ANXA8: variants seen among roughly 807,000 people sequenced by gnomAD.
ANXA8 encodes the protein annexin A8.
A neutral mutation model predicts 26.8 loss-of-function variants in ANXA8; 9 were observed. The observed-to-expected ratio is 0.34, with a 90% confidence interval of 0.20 to 0.59. The LOEUF (loss-of-function observed/expected upper bound fraction) is 0.59, where lower values mean the gene tolerates loss of function less well. Ranked by LOEUF, ANXA8 falls within the 20% of genes least tolerant of loss-of-function variation. ANXA8 has a pLI of 0.84. For missense variants in ANXA8, 83 were observed against 238.5 expected, an observed-to-expected ratio of 0.35 and a Z score of 4.29; for synonymous variants, 39 against 94.8, an observed-to-expected ratio of 0.41 and a Z score of 3.42.
At chr10:47,571,027 A>G in the ANXA8 span, among the ~76,000 whole-genome samples, 6 of 149,962 alleles carry the variant, frequency 4.0e-5, no homozygotes. Flanking sequence ...TCACACTTTT[A>G]TAGGAGTACC....
At chr10:47,533,225 C>A in the ANXA8 span, among the ~76,000 whole-genome samples, 13,428 of 92,484 alleles carry the variant, frequency 0.15, 540 homozygotes, top group East Asian at 0.34. Context: ...ACACACACAC[C>A]CCCGCAGACA....
At chr10:47,644,454 T>C in the ANXA8 span, among the ~76,000 whole-genome samples, 1 of 151,976 alleles carries the variant, frequency 6.6e-6, no homozygotes, top group Non-Finnish European at 1.5e-5. Flanking sequence ...CGCAAATGAA[T>C]GAGTGTGTCC....
chr10:47,625,968 C>T, the ANXA8 span, among the ~76,000 whole-genome samples: 1 of 150,464 alleles, frequency 6.6e-6, no homozygotes, highest in East Asian at 1.9e-4. Flanking sequence ...GAGATTATGT[C>T]ATAGTTGTTT....
At chr10:47,939,303 CAAAAAAAA>C in the ANXA8 span, among the ~76,000 whole-genome samples, 1 of 81,178 alleles carries the variant, frequency 1.2e-5, no homozygotes, top group Non-Finnish European at 2.2e-5. Context: ...AACTCTGTCT[CAAAAAAAA>C]AAAAAAAAAA....
chr10:47,578,084 G>A, the ANXA8 span, among the ~76,000 whole-genome samples: 4 of 65,234 alleles, frequency 6.1e-5, no homozygotes, highest in East Asian at 1.0e-3. Flanking sequence ...GGGAGGCCGA[G>A]GCAGGTGGAT....
chr10:47,693,822 T>G, the ANXA8 span, among the ~76,000 whole-genome samples: 7 of 38,072 alleles, frequency 1.8e-4, no homozygotes, highest in Admixed American at 7.0e-4. Context: ...TGAAATACTG[T>G]TTTTTTTTGG....
the ANXA8 span, chr10:47,710,425 T>G: frequency 2.9e-6 from 2 of 701,460 alleles, no homozygotes; most frequent in Non-Finnish European, 4.9e-6. Flanking sequence ...GTAAACATTT[T>G]GACTGCCTCC....
the ANXA8 span, among the ~76,000 whole-genome samples, chr10:47,645,678 G>T: frequency 6.6e-6 from 1 of 151,534 alleles, no homozygotes; most frequent in Non-Finnish European, 1.5e-5. Flanking sequence ...TTGCCCACAT[G>T]GCTGATAAAA....
chr10:47,648,526 C>A, the ANXA8 span, among the ~76,000 whole-genome samples: 1 of 140,766 alleles, frequency 7.1e-6, no homozygotes, highest in Non-Finnish European at 1.5e-5. Flanking sequence ...AACAATGGAC[C>A]TAATCATCAT....
chr10:47,649,397 A>G, the ANXA8 span, among the ~76,000 whole-genome samples: 1 of 151,562 alleles, frequency 6.6e-6, no homozygotes, highest in Non-Finnish European at 1.5e-5. Context: ...GATAAATTGG[A>G]CTTTATTAAA....
At chr10:47,494,945 C>T in the ANXA8 span, among the ~76,000 whole-genome samples, 3 of 152,130 alleles carry the variant, frequency 2.0e-5, no homozygotes, top group African/African-American at 7.3e-5. Flanking sequence ...AAGGTGTCCA[C>T]AGATCCCAAA....
the ANXA8 span, among the ~76,000 whole-genome samples, chr10:47,585,461 G>A: frequency 5.5e-3 from 720 of 130,064 alleles, 15 homozygotes; most frequent in Non-Finnish European, 7.6e-3. Context: ...CTCAATAACA[G>A]AAGCTGGGTT....
the ANXA8 span, chr10:47,758,003 A>ACCAGCT: frequency 6.7e-7 from 1 of 1,488,036 alleles, no homozygotes; most frequent in Non-Finnish European, 9.1e-7. Context: ...GGGGAAGAGC[A>ACCAGCT]CCTGGCCCAG....
the ANXA8 span, among the ~76,000 whole-genome samples, chr10:47,617,696 T>C: frequency 1.1e-4 from 16 of 148,952 alleles, 1 homozygote; most frequent in Admixed American, 6.6e-4. Flanking sequence ...AGATCTTCAC[T>C]GAGATTGAGT....
the ANXA8 span, among the ~76,000 whole-genome samples, chr10:47,536,499 T>C: frequency 8.7e-6 from 1 of 114,470 alleles, no homozygotes; most frequent in African/African-American, 4.3e-5. Flanking sequence ...TAAATTTGTT[T>C]TATGCCCTGA....
At chr10:47,732,716 A>C in the ANXA8 span, among the ~76,000 whole-genome samples, 1 of 144,032 alleles carries the variant, frequency 6.9e-6, no homozygotes, top group African/African-American at 2.6e-5. Context: ...GTGCTGTTTC[A>C]TTTTACATCT....
chr10:47,691,721 T>C, the ANXA8 span, among the ~76,000 whole-genome samples: 1 of 149,758 alleles, frequency 6.7e-6, no homozygotes, highest in Admixed American at 6.6e-5. Context: ...ATTGGGCCAC[T>C]GCACTCTAGC....
chr10:47,581,458 C>A, the ANXA8 span: 11 of 541,324 alleles, frequency 2.0e-5, no homozygotes, highest in Admixed American at 2.2e-4. Context: ...AGCATACTTA[C>A]CATGTCTCCA....
At chr10:47,945,438 G>T in the ANXA8 span, among the ~76,000 whole-genome samples, 6 of 150,820 alleles carry the variant, frequency 4.0e-5, 1 homozygote, top group African/African-American at 1.5e-4. Flanking sequence ...ACTGGGTAAG[G>T]GTCTCTTTGC....
Sources: allele counts gnomAD v4.1 joint callset (sites outside exome capture counted in the v4.1 genomes callset), GRCh38; gene constraint gnomAD v4.1.1; transcripts MANE v1.5; gene names NCBI Gene and HGNC (gene_info 2026-07-23, HGNC 2026-07-21).